SDK1: variants seen among roughly 807,000 people sequenced by gnomAD.
The protein encoded by SDK1 is protein sidekick-1.
In SDK1, 157 loss-of-function variants were observed where a neutral mutation model predicts 245.5. That is an observed-to-expected ratio of 0.64 (90% CI 0.56 to 0.73). The LOEUF (loss-of-function observed/expected upper bound fraction) is 0.73, where lower values mean the gene tolerates loss of function less well. Among genes scored for constraint, SDK1 ranks in the 30% least tolerant of loss-of-function variants. The pLI is 0.00. For missense variants in SDK1, 3,583 were observed against 3,002.3 expected, an observed-to-expected ratio of 1.19 and a Z score of -4.52; for synonymous variants, 1,647 against 1,278.5, an observed-to-expected ratio of 1.29 and a Z score of -6.15.
At chr7:3,661,841 T>C (rs1783369937) in intron 4 of SDK1, among the ~76,000 whole-genome samples, 1 of 152,070 alleles carries the variant, frequency 6.6e-6, no homozygotes, top group Non-Finnish European at 1.5e-5. Flanking sequence ...CACTTTCCTG[T>C]TGTGTAAAGC....
intron 1 of SDK1, among the ~76,000 whole-genome samples, chr7:3,574,710 C>T (rs1355754398): frequency 2.0e-5 from 3 of 151,998 alleles, no homozygotes; most frequent in South Asian, 4.1e-4. Flanking sequence ...TACTGTACTG[C>T]CTGGCTTCTT....
chr7:3,480,744 T>A (rs1167573244), intron 1 of SDK1, among the ~76,000 whole-genome samples: 1 of 152,216 alleles, frequency 6.6e-6, no homozygotes, highest in East Asian at 1.9e-4. Flanking sequence ...TCTCGTTTAT[T>A]TTACGTTGAC....
chr7:4,127,459 C>G lies in SDK1; in HGVS notation c.3902C>G (p.Pro1301Arg), dbSNP rs757033817. The change falls in exon 26 of 45, where the codon CCG becomes CGG. Residue 1301 changes from proline (P) to arginine (R), a missense_variant. Transcript: ENST00000404826. ...TQILLTWTSV[P>R]EQDQNGLILG... ...ATTTTACTGACATGGACATCCGTGC[C>G]GGAACAGGACCAGAATGGGCTCATA... is the stretch of plus-strand genomic sequence containing the variant. 1.2e-6 allele frequency: 2 copies of G among 1,613,998 alleles called. No homozygotes were observed. Among genetic ancestry groups the G allele is most frequent in the African/African-American group, 2.7e-5 (2 of 74,922 alleles).
chr7:3,464,223 C>G (rs1780920098), intron 1 of SDK1, among the ~76,000 whole-genome samples: 1 of 152,082 alleles, frequency 6.6e-6, no homozygotes, highest in South Asian at 2.1e-4. Context: ...TTTTTCCCCT[C>G]TGTTGAAATA....
chr7:4,182,721 T>C lies in SDK1; in HGVS notation c.5098+4135T>C, dbSNP rs1393966678. On this transcript the variant is annotated intron_variant, in intron 35 of 44. Coordinates refer to ENST00000404826, the MANE Select transcript of SDK1 (RefSeq NM_152744.4). ...CTCATGTTCTAAGCTGGTCTTTCCA[T>C]GGGGCTCCTTCCTGAGGCTCCTGGC... is the stretch of plus-strand genomic sequence containing the variant. Among the ~76,000 whole-genome samples the C allele has an allele frequency of 3.9e-5, 6 of 152,176 alleles. No homozygotes were observed. In the East Asian group the frequency reaches 5.8e-4, roughly 15 times the overall value.
intron 1 of SDK1, among the ~76,000 whole-genome samples, chr7:3,432,849 C>T (rs1190969844): frequency 1.3e-5 from 2 of 152,182 alleles, no homozygotes; most frequent in African/African-American, 2.4e-5. Context: ...AAAGAGATTT[C>T]TCCTAAACCA....
At chr7:3,412,602 C>T (rs1183339802) in intron 1 of SDK1, among the ~76,000 whole-genome samples, 1 of 152,196 alleles carries the variant, frequency 6.6e-6, no homozygotes, top group Non-Finnish European at 1.5e-5. Context: ...TGTCATTTCA[C>T]ACATGTGCAA....
At chr7:3,789,396 C>T (rs1263384016) in intron 4 of SDK1, among the ~76,000 whole-genome samples, 1 of 152,246 alleles carries the variant, frequency 6.6e-6, no homozygotes. Flanking sequence ...GATCCACTCG[C>T]CTCAGCCTCC....
chr7:4,109,943 A>G (rs1425020325), intron 22 of SDK1, among the ~76,000 whole-genome samples: 1 of 152,172 alleles, frequency 6.6e-6, no homozygotes, highest in African/African-American at 2.4e-5. Flanking sequence ...GCAGGAGCAA[A>G]GACTCGGGAG....
chr7:3,819,583 AAAAT>A (rs1779592950), intron 4 of SDK1, among the ~76,000 whole-genome samples: 1 of 152,118 alleles, frequency 6.6e-6, no homozygotes, highest in Non-Finnish European at 1.5e-5. Flanking sequence ...AACATATACT[AAAAT>A]AAAATGGAAC....
chr7:4,188,825 T>A (rs1245331326), intron 35 of SDK1, among the ~76,000 whole-genome samples: 4 of 152,254 alleles, frequency 2.6e-5, no homozygotes, highest in Non-Finnish European at 5.9e-5. Flanking sequence ...TTTTAATTGC[T>A]TTGTGGTGCG....
chr7:4,268,690 C>T lies in SDK1; in HGVS notation c.*3306C>T, dbSNP rs746750629. ...TCTTGGCACACAGTGTAGCTATCCT[C>T]CTGACGAGCAACCCGTCTGCGTACC... On this transcript the variant is annotated 3_prime_UTR_variant, in exon 45 of 45. Coordinates refer to ENST00000404826, the MANE Select transcript of SDK1 (RefSeq NM_152744.4). 2.5e-5 allele frequency: 34 copies of T among 1,367,756 alleles called. No individual in the cohort carries two copies. The highest frequency in any genetic ancestry group is 3.1e-5 in the Non-Finnish European group (32 of 1,022,010). 84.7% of individuals were successfully genotyped at this position (1,367,756 alleles called of 1,614,324 possible).
intron 5 of SDK1, among the ~76,000 whole-genome samples, chr7:3,885,731 C>G (rs1236010059): frequency 1.3e-5 from 2 of 152,180 alleles, no homozygotes; most frequent in Non-Finnish European, 2.9e-5. Flanking sequence ...TACTTTATTT[C>G]CTGTGATGCC....
At chr7:3,619,894 C>G (rs1781882053) in intron 2 of SDK1, among the ~76,000 whole-genome samples, 1 of 152,168 alleles carries the variant, frequency 6.6e-6, no homozygotes, top group African/African-American at 2.4e-5. Context: ...CACCTGGAGG[C>G]AGTAGCACAG....
At chr7:4,007,485 A>T (rs1055123614) in intron 14 of SDK1, among the ~76,000 whole-genome samples, 2 of 152,138 alleles carry the variant, frequency 1.3e-5, no homozygotes, top group African/African-American at 4.8e-5. Context: ...GCTTGGATCT[A>T]GGGAGAGCAA....
chr7:3,805,856 C>G (rs1027121840), intron 4 of SDK1, among the ~76,000 whole-genome samples: 1 of 152,064 alleles, frequency 6.6e-6, no homozygotes, highest in Admixed American at 6.6e-5. Flanking sequence ...AATGGAGAAC[C>G]AAAACACTTC....
At position 3,506,268 on chromosome 7, in the gene SDK1, T is replaced by C. The variant is rs141545989; in HGVS notation, c.299-112812T>C. Among the ~76,000 whole-genome samples, 463 of 152,286 alleles carry C rather than the reference T, an allele frequency of 3.0e-3. 4 individuals carry two copies. The highest frequency in any genetic ancestry group is 0.011 in the African/African-American group (445 of 41,564). On this transcript the variant is annotated intron_variant, in intron 1 of 44. Transcript: ENST00000404826. ...ATGTAGGATTCCAGGGTGATAGTTT[T>C]ATTTATTTTTTCCTGAACTTTGAAG...
At chr7:4,140,246 A>G (rs968342620) in intron 28 of SDK1, among the ~76,000 whole-genome samples, 1 of 152,150 alleles carries the variant, frequency 6.6e-6, no homozygotes, top group Non-Finnish European at 1.5e-5. Flanking sequence ...CCCCCGCTGC[A>G]TAGCGCTCTC....
intron 1 of SDK1, among the ~76,000 whole-genome samples, chr7:3,383,765 G>C (rs1273632198): frequency 6.6e-6 from 1 of 152,144 alleles, no homozygotes; most frequent in Non-Finnish European, 1.5e-5. Context: ...TTGATGCATA[G>C]AGCCTATTAA....
Sources: gnomAD v4.1 joint callset for allele counts (sites outside exome capture counted in the v4.1 genomes callset) on GRCh38, gnomAD v4.1.1 for gene constraint, MANE v1.5 for transcripts, NCBI Gene and HGNC (gene_info 2026-07-23, HGNC 2026-07-21) for gene names.